The following DSCAM variants were observed in gnomAD, a reference collection of about 807,000 sequenced individuals.
DSCAM encodes cell adhesion molecule DSCAM.
A neutral mutation model predicts 217.7 loss-of-function variants in DSCAM; 47 were observed. That is an observed-to-expected ratio of 0.22 (90% CI 0.17 to 0.28). The LOEUF is 0.28. Among genes scored for constraint, DSCAM ranks in the 10% least tolerant of loss-of-function variants. DSCAM has a pLI of 1.00. For missense variants in DSCAM, 2,080 were observed against 2,618.3 expected, an observed-to-expected ratio of 0.79 and a Z score of 4.49; for synonymous variants, 1,056 against 1,015.3, an observed-to-expected ratio of 1.04 and a Z score of -0.76.
rs78792201 is a variant in DSCAM, at chr21:40,316,460, G to A, written c.1784-4101C>T. On this transcript the variant is annotated intron_variant, in intron 8 of 32. Coordinates refer to ENST00000400454, the MANE Select transcript of DSCAM (RefSeq NM_001389.5). ...TTTTATATTCATAAGACATAAGATC[G>A]ATGGCACAAAGTAACTCCAGTGATT... Among the ~76,000 whole-genome samples, 204 of 152,240 alleles carry A rather than the reference G, an allele frequency of 1.3e-3. 1 individual carries two copies. The highest frequency in any genetic ancestry group is 3.6e-3 in the African/African-American group (151 of 41,550).
At chr21:40,341,557 ATT>A (rs1469117047) in intron 6 of DSCAM, among the ~76,000 whole-genome samples, 1 of 152,212 alleles carries the variant, frequency 6.6e-6, no homozygotes, top group Non-Finnish European at 1.5e-5. Context: ...GATATAAAAC[ATT>A]TCCATTACCA....
chr21:40,050,070 T>A (rs1312070487), intron 30 of DSCAM, among the ~76,000 whole-genome samples: 1 of 152,244 alleles, frequency 6.6e-6, no homozygotes, highest in African/African-American at 2.4e-5. Context: ...GAAACATTTC[T>A]AACCCTTGGG....
At chr21:40,482,387 C>T (rs746775955) in intron 3 of DSCAM, among the ~76,000 whole-genome samples, 12 of 152,216 alleles carry the variant, frequency 7.9e-5, no homozygotes, top group Non-Finnish European at 1.3e-4. Context: ...AAGCTAATGA[C>T]TGTCTTTGTC....
intron 3 of DSCAM, chr21:40,618,663 G>GGAA (rs562907715): frequency 4.1e-5 from 6 of 145,442 alleles, no homozygotes; most frequent in Admixed American, 6.8e-5. Flanking sequence ...AGAACTCTGA[G>GGAA]AAAAAAAAAA....
intron 21 of DSCAM, among the ~76,000 whole-genome samples, chr21:40,092,369 A>G (rs984589798): frequency 2.6e-5 from 4 of 152,184 alleles, no homozygotes; most frequent in African/African-American, 7.2e-5. Context: ...AGATTTAGGG[A>G]ACATTTATTT....
At chr21:40,807,462 G>T (rs919699414) in intron 1 of DSCAM, among the ~76,000 whole-genome samples, 1 of 152,082 alleles carries the variant, frequency 6.6e-6, no homozygotes, top group African/African-American at 2.4e-5. Context: ...GAGGTGGGGC[G>T]GGATGGGGGT....
intron 3 of DSCAM, among the ~76,000 whole-genome samples, chr21:40,518,154 T>C (rs574966544): frequency 1.3e-5 from 2 of 149,392 alleles, no homozygotes; most frequent in East Asian, 2.0e-4. Context: ...ACAGAGTGAA[T>C]AGCCGATATT....
At chr21:40,181,478 C>T (rs1473415265) in intron 14 of DSCAM, among the ~76,000 whole-genome samples, 1 of 152,104 alleles carries the variant, frequency 6.6e-6, no homozygotes, top group Non-Finnish European at 1.5e-5. Context: ...TAAAATTGTA[C>T]AACATCCTGT....
chr21:40,354,645 C>G (rs1484033663), intron 4 of DSCAM, among the ~76,000 whole-genome samples: 1 of 151,898 alleles, frequency 6.6e-6, no homozygotes, highest in African/African-American at 2.4e-5. Context: ...GTTAGGAGAT[C>G]GAGACCATCC....
intron 4 of DSCAM, among the ~76,000 whole-genome samples, chr21:40,354,060 T>G (rs545834477): frequency 6.6e-6 from 1 of 152,178 alleles, no homozygotes; most frequent in Non-Finnish European, 1.5e-5. Context: ...TTTTCATAAC[T>G]GGGAATGTCA....
intron 3 of DSCAM, among the ~76,000 whole-genome samples, chr21:40,546,306 T>C (rs531371363): frequency 3.3e-5 from 5 of 152,268 alleles, no homozygotes; most frequent in South Asian, 2.1e-4. Context: ...CATGGGGATA[T>C]GTATCTGGAA....
At chr21:40,295,543 T>G (rs2123445501) in intron 10 of DSCAM, among the ~76,000 whole-genome samples, 1 of 152,230 alleles carries the variant, frequency 6.6e-6, no homozygotes, top group African/African-American at 2.4e-5. Flanking sequence ...GTGTTTGTTT[T>G]TAAAAAGAGC....
chr21:40,689,054 C>T (rs182836365), intron 3 of DSCAM, among the ~76,000 whole-genome samples: 1 of 152,254 alleles, frequency 6.6e-6, no homozygotes, highest in East Asian at 1.9e-4. Context: ...ATATGCACAA[C>T]ACTCATTAAA....
intron 11 of DSCAM, among the ~76,000 whole-genome samples, chr21:40,202,730 C>G (rs2091083684): frequency 6.6e-6 from 1 of 152,226 alleles, no homozygotes; most frequent in Non-Finnish European, 1.5e-5. Context: ...TCACCTTTTC[C>G]TTGAAACCAC....
intron 3 of DSCAM, among the ~76,000 whole-genome samples, chr21:40,402,768 G>A (rs1391936104): frequency 6.6e-6 from 1 of 151,626 alleles, no homozygotes; most frequent in East Asian, 1.9e-4. Context: ...TTAATTTTAG[G>A]TTTAGGAAGT....
intron 20 of DSCAM, among the ~76,000 whole-genome samples, chr21:40,095,903 T>C (rs566262445): frequency 1.1e-4 from 17 of 152,214 alleles, no homozygotes; most frequent in African/African-American, 4.1e-4. Flanking sequence ...AAACTCAAAA[T>C]GAAACTATAA....
At chr21:40,431,674 T>G (rs1275053727) in intron 3 of DSCAM, among the ~76,000 whole-genome samples, 1 of 152,230 alleles carries the variant, frequency 6.6e-6, no homozygotes, top group Non-Finnish European at 1.5e-5. Flanking sequence ...AAATATATAA[T>G]GCAAAAAATA....
chr21:40,456,106 AAAAG>A (rs2075761370), intron 3 of DSCAM, among the ~76,000 whole-genome samples: 1 of 151,958 alleles, frequency 6.6e-6, no homozygotes, highest in Non-Finnish European at 1.5e-5. Context: ...AAAGAAAAGA[AAAAG>A]AAAAAAGTAT....
intron 3 of DSCAM, among the ~76,000 whole-genome samples, chr21:40,509,212 C>T (rs2076239107): frequency 6.6e-6 from 1 of 152,032 alleles, no homozygotes; most frequent in Admixed American, 6.6e-5. Flanking sequence ...TCATCAGGCC[C>T]TCAGTTTCCA....
Sources: allele counts gnomAD v4.1 joint callset (sites outside exome capture counted in the v4.1 genomes callset), GRCh38; gene constraint gnomAD v4.1.1; transcripts MANE v1.5; gene names NCBI Gene and HGNC (gene_info 2026-07-23, HGNC 2026-07-21).